The following RDH13 variants were observed in gnomAD, a reference collection of about 807,000 sequenced individuals.
RDH13 encodes retinol dehydrogenase 13.
In RDH13, 35 loss-of-function variants were observed where a neutral mutation model predicts 28.3. That is an observed-to-expected ratio of 1.24 (90% CI 0.95 to 1.64). The LOEUF (loss-of-function observed/expected upper bound fraction) is 1.64. RDH13 is among the 40% of genes most tolerant of loss of function. RDH13 has a pLI of 0.00. For synonymous variants in RDH13, 229 were observed against 198.5 expected (o/e 1.15, Z -1.29); for missense variants, 514 against 446.3 (o/e 1.15, Z -1.37).
In RDH13 at chr19:55,045,151, G is replaced by T. The variant is rs1056382660; in HGVS notation, c.919C>A (p.Arg307=). ...CGGGCACTTTCAGCCCAAAGCCTCCGGGCCACCTCCTCATCCTCAGCCTCG... is the reference window on the plus strand; with the variant it reads ...CGGGCACTTTCAGCCCAAAGCCTCCTGGCCACCTCCTCATCCTCAGCCTCG... ...APEAEDEEVA[R]RLWAESARLV... is the part of the protein sequence containing the mutation. The change falls in exon 7 of 7, where the codon CGG becomes AGG. Residue 307 remains arginine (R), a synonymous_variant. Transcript: ENST00000415061. The T allele has an allele frequency of 6.2e-7, 1 of 1,613,580 alleles. No individual in the cohort carries two copies. The highest frequency in any genetic ancestry group is 8.5e-7 in the Non-Finnish European group (1 of 1,180,022).
At chr19:55,051,430 CT>C (rs956534758) in intron 3 of RDH13, among the ~76,000 whole-genome samples, 60 of 145,928 alleles carry the variant, frequency 4.1e-4, no homozygotes, top group East Asian at 4.0e-4. Context: ...GGTTTTTTTT[CT>C]TTTTTTTTTT....
At chr19:55,043,886 G>C (rs971810236), downstream of RDH13, among the ~76,000 whole-genome samples, 1 of 151,430 alleles carries the variant, frequency 6.6e-6, no homozygotes, top group African/African-American at 2.4e-5. Context: ...CTGTGAAACA[G>C]GTGAAAGGGG....
rs1259704168 is a variant in RDH13, at chr19:55,054,476, C to G, written c.340+2177G>C. On this transcript the variant is annotated intron_variant, in intron 3 of 6. Coordinates refer to ENST00000415061, the MANE Select transcript of RDH13 (RefSeq NM_001145971.2). Reference sequence around the variant, plus strand: ...GGGCATGGTGGCACCCGCCTATAGTCTTGGGAGGCTGAGGCAGGAGAATCG... The same window carrying G: ...GGGCATGGTGGCACCCGCCTATAGTGTTGGGAGGCTGAGGCAGGAGAATCG... Among the ~76,000 whole-genome samples the G allele has an allele frequency of 2.0e-5, 3 of 152,122 alleles. No individual in the cohort carries two copies. The East Asian group carries it at 5.8e-4, about 29-fold the overall frequency.
chr19:55,057,810 A>AT lies in RDH13; in HGVS notation c.185-1003dup, dbSNP rs1276890306. The stretch of plus-strand genomic sequence containing the variant: ...TAACCCCCTTTTCTTTTTGTTTATT[A>AT]TTATTTTTTTTTTTTTGAGTCAGTC... On this transcript the variant is annotated intron_variant, in intron 2 of 6. Coordinates refer to ENST00000415061, the MANE Select transcript of RDH13 (RefSeq NM_001145971.2). Among the ~76,000 whole-genome samples, 98 of 85,412 alleles carry AT rather than the reference A, an allele frequency of 1.1e-3. 1 individual carries two copies. Among genetic ancestry groups the AT allele is most frequent in the South Asian group, 3.3e-3 (9 of 2,712 alleles). 56.0% of individuals were successfully genotyped at this position (85,412 alleles called of 152,430 possible).
Position 55,052,106 on chromosome 19 carries a change from G to A in RDH13, c.341-3343C>T, listed in dbSNP as rs549248690. Among the ~76,000 whole-genome samples the A allele has an allele frequency of 1.1e-4, 14 of 123,296 alleles. No homozygotes were observed. The East Asian group carries it at 2.2e-3, about 20-fold the overall frequency. The allele number at this position is 123,296 out of a possible 152,430, so 80.9% of individuals were successfully genotyped here. Reference sequence around the variant, plus strand: ...TTTTTTGGACACAGGGTCTCACCCCGAGTGCAGTGGTACAATCAAAGCTCA... The same window carrying A: ...TTTTTTGGACACAGGGTCTCACCCCAAGTGCAGTGGTACAATCAAAGCTCA... On this transcript the variant is annotated intron_variant, in intron 3 of 6. Transcript: ENST00000415061.
chr19:55,053,603 G>A (rs1247207020), intron 3 of RDH13: 2 of 151,686 alleles, frequency 1.3e-5, no homozygotes, highest in East Asian at 1.9e-4. Flanking sequence ...CTTGGAGTGA[G>A]CCGAGATGTG....
intron 2 of RDH13, among the ~76,000 whole-genome samples, chr19:55,057,624 A>T (rs1654445): frequency 0.73 from 110,476 of 151,346 alleles, 40,654 homozygotes; most frequent in East Asian, 0.94. Flanking sequence ...TTTAGTAGAG[A>T]CAGCGGTTTC....
At position 55,063,077 on chromosome 19, in the gene RDH13, C is replaced by A. The variant is rs1293733731; in HGVS notation, c.-45G>T. 3.2e-6 allele frequency: 4 copies of A among 1,242,280 alleles called. No homozygotes were observed. The highest frequency in any genetic ancestry group is 4.1e-6 in the Non-Finnish European group (4 of 975,762). 77.0% of individuals were successfully genotyped at this position (1,242,280 alleles called of 1,614,324 possible). A position where few individuals can be genotyped will look rare whatever the true frequency, so the allele number is the denominator to read the frequency against. ...TCAGGCGTCAGGGGTCGGCGCGGAG[C>A]TTGCTGCACACCAGCCGCCTGGGTA... On this transcript the variant is annotated 5_prime_UTR_variant, in exon 1 of 7. Coordinates refer to ENST00000415061, the MANE Select transcript of RDH13 (RefSeq NM_001145971.2).
At chr19:55,069,081 GC>G (rs2076014615) in intron 1 of RDH13, among the ~76,000 whole-genome samples, 1 of 57,594 alleles carries the variant, frequency 1.7e-5, no homozygotes, top group African/African-American at 6.9e-5. Flanking sequence ...ACCACCCCCC[GC>G]CCCGACCCAT....
At chr19:55,043,553 AGCTACTCGGGAG>A (rs1327804806), downstream of RDH13, among the ~76,000 whole-genome samples, 1 of 151,848 alleles carries the variant, frequency 6.6e-6, no homozygotes, top group African/African-American at 2.4e-5. Flanking sequence ...CTGTAATCCC[AGCTACTCGGGAG>A]GCTGAGGCAT....
At chr19:55,053,357 A>G (rs2075520395) in intron 3 of RDH13, among the ~76,000 whole-genome samples, 1 of 152,194 alleles carries the variant, frequency 6.6e-6, no homozygotes, top group African/African-American at 2.4e-5. Flanking sequence ...ACACAGCTTT[A>G]CTTAATCCTC....
intron 3 of RDH13, among the ~76,000 whole-genome samples, chr19:55,054,178 C>CTGCTAAATAAATGAGG (rs1215154030): frequency 1.3e-5 from 2 of 152,206 alleles, no homozygotes; most frequent in African/African-American, 4.8e-5. Flanking sequence ...GAGATCACGT[C>CTGCTAAATAAATGAGG]TGCTAAATAA....
intron 2 of RDH13, among the ~76,000 whole-genome samples, chr19:55,057,333 C>T (rs1401999836): frequency 6.6e-6 from 1 of 151,992 alleles, no homozygotes; most frequent in Non-Finnish European, 1.5e-5. Context: ...TTGCATCATT[C>T]TGTGACTATA....
In RDH13 at chr19:55,062,994, C is replaced by T; in HGVS notation, c.39G>A (p.Thr13=). Residue 13 remains threonine (T), a synonymous_variant, in exon 1 of 7, where the codon ACG becomes ACA. Transcript: ENST00000415061. The part of the protein sequence containing the change: ...RYLLPLSALG[T]VAGAAVLLKD... The stretch of plus-strand genomic sequence containing the variant: ...TGAGCAGCACGGCGGCGCCTGCTAC[C>T]GTGCCCAGCGCCGACAGCGGCAGCA... 6.8e-7 allele frequency: 1 copy of T among 1,474,776 alleles called. No individual in the cohort carries two copies. The highest frequency in any genetic ancestry group is 2.5e-5 in the Admixed American group (1 of 40,394). The allele number at this position is 1,474,776 out of a possible 1,614,324, so 91.4% of individuals were successfully genotyped here. A position where few individuals can be genotyped will look rare whatever the true frequency, so the allele number is the denominator to read the frequency against.
intron 5 of RDH13, chr19:55,048,021 A>G: frequency 7.0e-7 from 1 of 1,421,772 alleles, no homozygotes; most frequent in Non-Finnish European, 9.2e-7. Context: ...ACTGCGGGTC[A>G]AAACTGCCCC....
In RDH13 at chr19:55,059,169, G is replaced by A. The variant is rs1324753501; in HGVS notation, c.172C>T (p.Leu58=). The A allele has an allele frequency of 3.1e-6, 5 of 1,592,450 alleles. No homozygotes were observed. The highest frequency in any genetic ancestry group is 4.3e-6 in the Non-Finnish European group (5 of 1,168,714). ...GGGGAGATTTTACCTCTCCTGGCCAGTTCCAAGGCGGTCTGCTTCCCGATG... is the reference window on the plus strand; with the variant it reads ...GGGGAGATTTTACCTCTCCTGGCCAATTCCAAGGCGGTCTGCTTCCCGATG... ...TGIGKQTALE[L]ARRGGNIILA... Residue 58 remains leucine (L), a synonymous_variant, in exon 2 of 7, where the codon CTG becomes TTG. Transcript: ENST00000415061.
chr19:55,048,610 C>T (rs373964092), intron 4 of RDH13, 49 bp downstream of exon 4: 13 of 1,609,870 alleles, frequency 8.1e-6, no homozygotes, highest in Middle Eastern at 1.7e-4. Context: ...GGGAGGACGA[C>T]GGGGGAGGAT....
chr19:55,048,850 A>ATTC, intron 3 of RDH13, 87 bp from the exon 4 acceptor site: 1 of 1,185,804 alleles, frequency 8.4e-7, no homozygotes, highest in Non-Finnish European at 1.2e-6. Context: ...GTGCTCCCAC[A>ATTC]ACCTGTGAAT....
intron 1 of RDH13, among the ~76,000 whole-genome samples, chr19:55,062,202 G>C: frequency 7.0e-6 from 1 of 143,802 alleles, no homozygotes; most frequent in East Asian, 2.5e-4. Flanking sequence ...CGAGGATTAG[G>C]ACGTGGACCC....
Sources: allele counts gnomAD v4.1 joint callset (sites outside exome capture counted in the v4.1 genomes callset), GRCh38; gene constraint gnomAD v4.1.1; transcripts MANE v1.5; gene names NCBI Gene and HGNC (gene_info 2026-07-23, HGNC 2026-07-21).